The following GARRE1 variants were observed in gnomAD, a reference collection of about 807,000 sequenced individuals.
GARRE1 encodes granule associated Rac and RHOG effector 1.
Under a neutral mutation model 103.2 loss-of-function variants are expected in GARRE1, and 49 were observed. The ratio of observed to expected loss-of-function variants is 0.47; its 90% CI spans 0.38 to 0.60. GARRE1 has a LOEUF of 0.60. Ranked by LOEUF, GARRE1 falls within the 20% of genes least tolerant of loss-of-function variation. The pLI is 0.00. For synonymous variants in GARRE1, 505 were observed against 532.8 expected, an observed-to-expected ratio of 0.95 and a Z score of 0.72; for missense variants, 1,199 against 1,370.5, an observed-to-expected ratio of 0.87 and a Z score of 1.98.
intron 7 of GARRE1, among the ~76,000 whole-genome samples, chr19:34,333,052 T>C (rs895738859): frequency 6.6e-6 from 1 of 152,174 alleles, no homozygotes; most frequent in Non-Finnish European, 1.5e-5. Context: ...CTTTTTTGTT[T>C]GTTTGTTTGT....
chr19:34,297,457 T>G (rs1486667470), intron 1 of GARRE1, among the ~76,000 whole-genome samples: 1 of 152,198 alleles, frequency 6.6e-6, no homozygotes, highest in Admixed American at 6.6e-5. Context: ...TAGGTCTCAC[T>G]TGGTCTTCCA....
chr19:34,338,990 GAGAAGTGCTT>G (rs2074173502), intron 8 of GARRE1, among the ~76,000 whole-genome samples: 14 of 152,148 alleles, frequency 9.2e-5, no homozygotes, highest in Admixed American at 9.2e-4. Context: ...ACAAGGTGGC[GAGAAGTGCTT>G]AGATTCTGGA....
At chr19:34,310,106 C>G (rs533604324) in intron 2 of GARRE1, among the ~76,000 whole-genome samples, 1 of 152,126 alleles carries the variant, frequency 6.6e-6, no homozygotes, top group Admixed American at 6.5e-5. Context: ...AAAAGGCTTG[C>G]GTGATGTGCT....
At chr19:34,275,576 A>T (rs1469385361) in intron 1 of GARRE1, among the ~76,000 whole-genome samples, 1 of 152,242 alleles carries the variant, frequency 6.6e-6, no homozygotes, top group Non-Finnish European at 1.5e-5. Context: ...TCATGGCTGA[A>T]TAATATTCCA....
intron 1 of GARRE1, among the ~76,000 whole-genome samples, chr19:34,297,751 C>G (rs994898889): frequency 2.0e-5 from 3 of 152,062 alleles, no homozygotes; most frequent in African/African-American, 2.4e-5. Flanking sequence ...CCTTATTTGT[C>G]ATGAATTTGA....
chr19:34,341,884 A>G lies in GARRE1; in HGVS notation c.1950A>G (p.Ile650Met). Residue 650 changes from isoleucine (I) to methionine (M), a missense_variant, in exon 10 of 14, where the codon ATA becomes ATG. Coordinates refer to ENST00000299505, the MANE Select transcript of GARRE1 (RefSeq NM_014686.5). Reference protein sequence around the residue: ...LPTDQEMQEVIDFLSGFNMGQ... With the variant: ...LPTDQEMQEVMDFLSGFNMGQ... Reference sequence around the variant, plus strand: ...CTGATCAGGAAATGCAAGAGGTGATAGATTTTCTCTCGGGCTTTAACATGG... The same window carrying G: ...CTGATCAGGAAATGCAAGAGGTGATGGATTTTCTCTCGGGCTTTAACATGG... 2 of 1,614,196 alleles carry G rather than the reference A, an allele frequency of 1.2e-6. No individual in the cohort carries two copies. Among genetic ancestry groups the G allele is most frequent in the Non-Finnish European group, 1.7e-6 (2 of 1,180,032 alleles).
intron 1 of GARRE1, among the ~76,000 whole-genome samples, chr19:34,286,396 T>C (rs1473035232): frequency 2.0e-5 from 3 of 151,916 alleles, no homozygotes; most frequent in Admixed American, 6.6e-5. Flanking sequence ...ATTTTTTGTA[T>C]TTTTAGTAGA....
rs769184299 is a variant in GARRE1 at position 34,351,553 on chromosome 19, C to T, written c.2865C>T (p.Pro955=). ...SSGEQDTSTL[P]SPPLLTTVED... is the part of the protein sequence containing the mutation. The stretch of plus-strand genomic sequence containing the variant: ...GAGAGCAAGACACCAGCACGCTGCC[C>T]TCACCACCTCTCCTCACCACGGTGG... The change falls in exon 13 of 14, where the codon CCC becomes CCT. Residue 955 remains proline (P), a synonymous_variant. Coordinates refer to ENST00000299505, the MANE Select transcript of GARRE1 (RefSeq NM_014686.5). 4 of 1,614,014 alleles carry T rather than the reference C, an allele frequency of 2.5e-6. No homozygotes were observed. The highest frequency in any genetic ancestry group is 4.5e-5 in the East Asian group (2 of 44,884).
intron 2 of GARRE1, among the ~76,000 whole-genome samples, chr19:34,317,307 T>G (rs2074064364): frequency 6.6e-6 from 1 of 152,252 alleles, no homozygotes; most frequent in African/African-American, 2.4e-5. Flanking sequence ...CTCTTTGTGC[T>G]TGGTGCATAT....
chr19:34,354,989 G>A lies in GARRE1; in HGVS notation c.*2034G>A, dbSNP rs929205147. 9.2e-5 allele frequency: 14 copies of A among 152,584 alleles called. No individual in the cohort carries two copies. Among genetic ancestry groups the A allele is most frequent in the Admixed American group, 3.9e-4 (6 of 15,272 alleles). 9.5% of individuals were successfully genotyped at this position (152,584 alleles called of 1,614,324 possible). A position where few individuals can be genotyped will look rare whatever the true frequency, so the allele number is the denominator to read the frequency against. On this transcript the variant is annotated 3_prime_UTR_variant, in exon 14 of 14. Transcript: ENST00000299505. ...GGCTCTTGTCTGTGTTAGCTGTCACGGTGTGCACACTAATCTCTGTTAAAG... is the reference window on the plus strand; with the variant it reads ...GGCTCTTGTCTGTGTTAGCTGTCACAGTGTGCACACTAATCTCTGTTAAAG...
Position 34,300,439 on chromosome 19 carries a change from C to A in GARRE1, c.-35C>A. 4 of 1,515,982 alleles carry A rather than the reference C, an allele frequency of 2.6e-6. No homozygotes were observed. The highest frequency in any genetic ancestry group is 3.5e-6 in the Non-Finnish European group (4 of 1,130,446). 93.9% of individuals were successfully genotyped at this position (1,515,982 alleles called of 1,614,324 possible). A position where few individuals can be genotyped will look rare whatever the true frequency, so the allele number is the denominator to read the frequency against. ...GAGAAAGAAGAATCAGAACCCTGACCCACTTACGGTTGCTGGGACAATTCC... is the reference window on the plus strand; with the variant it reads ...GAGAAAGAAGAATCAGAACCCTGACACACTTACGGTTGCTGGGACAATTCC... On this transcript the variant is annotated 5_prime_UTR_variant, in exon 2 of 14. Transcript: ENST00000299505.
At chr19:34,339,786 G>C in intron 8 of GARRE1, 81 bp from the exon 9 acceptor site, 1 of 1,569,614 alleles carries the variant, frequency 6.4e-7, no homozygotes, top group East Asian at 2.2e-5. Context: ...CATAAAAGTT[G>C]TAGCCTTTTC....
intron 1 of GARRE1, among the ~76,000 whole-genome samples, chr19:34,294,417 C>T (rs890077541): frequency 5.3e-5 from 8 of 150,684 alleles, no homozygotes; most frequent in African/African-American, 1.7e-4. Context: ...AGAGAGACCC[C>T]ATCTCTAAAA....
intron 1 of GARRE1, among the ~76,000 whole-genome samples, chr19:34,270,069 T>C (rs1203830568): frequency 1.3e-5 from 2 of 152,232 alleles, no homozygotes; most frequent in East Asian, 3.8e-4. Context: ...CGGTGATTTG[T>C]GTTCAGGAAG....
At chr19:34,320,549 C>T (rs1027366053) in intron 3 of GARRE1, among the ~76,000 whole-genome samples, 4 of 152,148 alleles carry the variant, frequency 2.6e-5, no homozygotes, top group Non-Finnish European at 4.4e-5. Context: ...GCGAGGCAGG[C>T]GAGCAGGAGT....
At chr19:34,323,542 A>G (rs2074099074) in intron 3 of GARRE1, among the ~76,000 whole-genome samples, 1 of 151,998 alleles carries the variant, frequency 6.6e-6, no homozygotes, top group Non-Finnish European at 1.5e-5. Flanking sequence ...CTTTCTGTTC[A>G]TCAGAAAGGC....
In GARRE1 at chr19:34,300,309, C is replaced by G. The variant is rs776797551; in HGVS notation, c.-165C>G. On this transcript the variant is annotated 5_prime_UTR_variant, in exon 2 of 14. Transcript: ENST00000299505. ...AATATTAATTATATAAACCTGTTGTCTCTCACCTCTACATTGGATCACATG... is the reference window on the plus strand; with the variant it reads ...AATATTAATTATATAAACCTGTTGTGTCTCACCTCTACATTGGATCACATG... The G allele has an allele frequency of 1.6e-6, 1 of 630,550 alleles. No homozygotes were observed. 39.1% of individuals were successfully genotyped at this position (630,550 alleles called of 1,614,324 possible).
intron 8 of GARRE1, among the ~76,000 whole-genome samples, chr19:34,336,583 T>C (rs1258247034): frequency 6.6e-6 from 1 of 151,972 alleles, no homozygotes; most frequent in Non-Finnish European, 1.5e-5. Context: ...TTTTCCTGCC[T>C]CAGCTTCCTG....
intron 12 of GARRE1, among the ~76,000 whole-genome samples, chr19:34,350,373 C>G (rs1454733940): frequency 6.6e-6 from 1 of 152,172 alleles, no homozygotes; most frequent in African/African-American, 2.4e-5. Context: ...GAGTTTGAGA[C>G]TTTTCTTTCA....
Sources: gnomAD v4.1 joint callset for allele counts (sites outside exome capture counted in the v4.1 genomes callset) on GRCh38, gnomAD v4.1.1 for gene constraint, MANE v1.5 for transcripts, NCBI Gene and HGNC (gene_info 2026-07-23, HGNC 2026-07-21) for gene names.